IL1RAPL2: variants seen among roughly 807,000 people sequenced by gnomAD.
The protein encoded by IL1RAPL2 is X-linked interleukin-1 receptor accessory protein-like 2.
IL1RAPL2 carries 3 observed loss-of-function variants against 44.1 expected under a neutral mutation model. That is an observed-to-expected ratio of 0.07 (90% CI 0.03 to 0.18). The LOEUF (loss-of-function observed/expected upper bound fraction) is 0.18, where lower values mean the gene tolerates loss of function less well. Ranked by LOEUF, IL1RAPL2 falls within the 10% of genes least tolerant of loss-of-function variation. The pLI, the probability that IL1RAPL2 is intolerant of heterozygous loss-of-function variation, is 1.00. For missense variants in IL1RAPL2, 391 were observed against 496.4 expected (o/e 0.79, Z 2.02); for synonymous variants, 181 against 178.8 (o/e 1.01, Z -0.10).
At chrX:104,676,324 G>A (rs896019258) in intron 2 of IL1RAPL2, among the ~76,000 whole-genome samples, 2 of 111,240 alleles carry the variant, frequency 1.8e-5, no homozygotes, top group South Asian at 7.6e-4. Flanking sequence ...GCCTTTGCTT[G>A]TCTGTAAAGG....
chrX:105,725,416 G>C (rs1006046910), intron 7 of IL1RAPL2, among the ~76,000 whole-genome samples: 13 of 111,229 alleles, frequency 1.2e-4, no homozygotes, highest in Admixed American at 5.8e-4. Flanking sequence ...TTTTAGTTTT[G>C]GTTTCTTCAC....
intron 6 of IL1RAPL2, among the ~76,000 whole-genome samples, chrX:105,696,042 G>A (rs1157502662): frequency 8.9e-6 from 1 of 111,948 alleles, no homozygotes; most frequent in African/African-American, 3.2e-5. Flanking sequence ...CCCACCTCAT[G>A]TATCCTGACT....
chrX:105,538,246 C>G (rs1373175797), intron 6 of IL1RAPL2, among the ~76,000 whole-genome samples: 5 of 108,781 alleles, frequency 4.6e-5, no homozygotes, highest in Non-Finnish European at 9.5e-5. Flanking sequence ...CCGTGTTAAC[C>G]AGGATGATCT....
At chrX:104,948,273 C>A (rs959608622) in intron 2 of IL1RAPL2, among the ~76,000 whole-genome samples, 4 of 109,531 alleles carry the variant, frequency 3.7e-5, no homozygotes, top group Non-Finnish European at 7.6e-5. Flanking sequence ...ATTTTATATA[C>A]TGAGACTTTG....
chrX:105,511,114 T>C (rs1043350345), intron 6 of IL1RAPL2, among the ~76,000 whole-genome samples: 1 of 111,744 alleles, frequency 8.9e-6, no homozygotes, highest in African/African-American at 3.2e-5. Context: ...ATTTACATTA[T>C]GAATGCAAAT....
chrX:105,089,812 A>G (rs1387096704), intron 2 of IL1RAPL2, among the ~76,000 whole-genome samples: 2 of 111,815 alleles, frequency 1.8e-5, no homozygotes, highest in African/African-American at 6.5e-5. Flanking sequence ...AAGGTCCCAC[A>G]GTGAATAAGA....
chrX:104,993,069 C>T (rs988176), intron 2 of IL1RAPL2, among the ~76,000 whole-genome samples: 46,437 of 110,112 alleles, frequency 0.42, 7,145 homozygotes, highest in East Asian at 0.46. Flanking sequence ...ACTGATTTTG[C>T]ACATTCATTT....
At chrX:105,304,290 T>A (rs1040238304) in intron 5 of IL1RAPL2, among the ~76,000 whole-genome samples, 12 of 112,077 alleles carry the variant, frequency 1.1e-4, no homozygotes, top group African/African-American at 3.9e-4. Context: ...CTCCAAGGAG[T>A]TTGGAGCTAG....
At chrX:105,128,267 G>T (rs1253528404) in intron 2 of IL1RAPL2, among the ~76,000 whole-genome samples, 2 of 110,067 alleles carry the variant, frequency 1.8e-5, no homozygotes, top group Admixed American at 1.9e-4. Context: ...TTATGTGCTT[G>T]CCCAAAAATT....
chrX:105,672,850 T>A (rs994247965), intron 6 of IL1RAPL2, among the ~76,000 whole-genome samples: 1 of 111,885 alleles, frequency 8.9e-6, no homozygotes, highest in Non-Finnish European at 1.9e-5. Flanking sequence ...AGGCTTCCCC[T>A]TTTTTAGTCT....
At chrX:104,787,896 T>C (rs949540185) in intron 2 of IL1RAPL2, among the ~76,000 whole-genome samples, 5 of 111,768 alleles carry the variant, frequency 4.5e-5, no homozygotes, top group African/African-American at 1.6e-4. Flanking sequence ...TCAGAATCAC[T>C]GGACAAGGAT....
chrX:104,950,856 C>T lies in IL1RAPL2; in HGVS notation c.83-244619C>T, dbSNP rs753717228. ...CCGAGTAGCTGGGACTACAGGCGCC[C>T]GCCACCTCGCCCGGCTAATTCTGGT... On this transcript the variant is annotated intron_variant, in intron 2 of 10. Coordinates refer to ENST00000372582, the MANE Select transcript of IL1RAPL2 (RefSeq NM_017416.2). Among the ~76,000 whole-genome samples the T allele has an allele frequency of 1.2e-4, 13 of 111,029 alleles. No individual in the cohort carries two copies. In the East Asian group the frequency reaches 2.9e-3, roughly 24 times the overall value.
intron 1 of IL1RAPL2, among the ~76,000 whole-genome samples, chrX:104,580,462 T>C (rs1928324912): frequency 8.9e-6 from 1 of 112,859 alleles, no homozygotes; most frequent in East Asian, 2.8e-4. Flanking sequence ...AGGGGAACCA[T>C]ATAATATTCT....
intron 2 of IL1RAPL2, among the ~76,000 whole-genome samples, chrX:104,900,547 A>T (rs1424259897): frequency 9.0e-6 from 1 of 111,461 alleles, no homozygotes; most frequent in Non-Finnish European, 1.9e-5. Flanking sequence ...TTTCATCTGT[A>T]CATTTGTAGG....
chrX:105,081,802 C>G (rs1326196353), intron 2 of IL1RAPL2, among the ~76,000 whole-genome samples: 2 of 111,858 alleles, frequency 1.8e-5, no homozygotes, highest in African/African-American at 6.5e-5. Context: ...GTTGAACCAG[C>G]CTTGCATCCC....
intron 5 of IL1RAPL2, among the ~76,000 whole-genome samples, chrX:105,278,786 C>T (rs1184622702): frequency 1.8e-5 from 2 of 111,573 alleles, no homozygotes; most frequent in East Asian, 5.7e-4. Flanking sequence ...TTTGAATCCA[C>T]GTTTATTTCA....
Position 104,887,866 on chromosome X carries a change from T to A in IL1RAPL2, c.82+228871T>A, listed in dbSNP as rs763461729. ...GCCATAGTTAGTGATGTAACCATAC[T>A]TGAAAATAAGCCTCTTCCCCCAGGG... On this transcript the variant is annotated intron_variant, in intron 2 of 10. Coordinates refer to ENST00000372582, the MANE Select transcript of IL1RAPL2 (RefSeq NM_017416.2). Among the ~76,000 whole-genome samples, 8 of 111,742 alleles carry A rather than the reference T, an allele frequency of 7.2e-5. No individual in the cohort carries two copies. The South Asian group carries it at 3.0e-3, about 42-fold the overall frequency.
chrX:104,977,407 G>T (rs747072330), intron 2 of IL1RAPL2, among the ~76,000 whole-genome samples: 5 of 112,045 alleles, frequency 4.5e-5, no homozygotes, highest in Middle Eastern at 4.6e-3. Flanking sequence ...GGTGTTAGCA[G>T]CTCTTTATTG....
chrX:105,547,890 A>G (rs904422606), intron 6 of IL1RAPL2, among the ~76,000 whole-genome samples: 61 of 112,625 alleles, frequency 5.4e-4, no homozygotes, highest in African/African-American at 2.0e-3. Flanking sequence ...GAAAAGTCAC[A>G]ATGCATGCAA....
Sources: allele counts gnomAD v4.1 joint callset (sites outside exome capture counted in the v4.1 genomes callset), GRCh38; gene constraint gnomAD v4.1.1; transcripts MANE v1.5; gene names NCBI Gene and HGNC (gene_info 2026-07-23, HGNC 2026-07-21).